LYST: variants seen among roughly 807,000 people sequenced by gnomAD.
LYST encodes the protein lysosomal-trafficking regulator.
LYST carries 192 observed loss-of-function variants against 413.6 expected under a neutral mutation model. The observed-to-expected ratio is 0.46, with a 90% CI of 0.41 to 0.52. LYST has a LOEUF of 0.52. Among genes scored for constraint, LYST ranks in the 20% least tolerant of loss-of-function variants. The pLI, the probability that LYST is intolerant of heterozygous loss-of-function variation, is 0.00. For missense variants in LYST, 3,815 were observed against 4,499.9 expected (o/e 0.85, Z 4.35); for synonymous variants, 1,525 against 1,567.3 (o/e 0.97, Z 0.64).
chr1:235,845,257 C>A (rs1471594947), intron 1 of LYST, among the ~76,000 whole-genome samples: 1 of 152,176 alleles, frequency 6.6e-6, no homozygotes. Flanking sequence ...AAGTTTCTGA[C>A]CTTACCTGAG....
intron 12 of LYST, among the ~76,000 whole-genome samples, chr1:235,790,194 CTG>C (rs1490663330): frequency 6.6e-5 from 10 of 152,136 alleles, no homozygotes; most frequent in Non-Finnish European, 1.0e-4. Context: ...TTATAAGAGA[CTG>C]TTTACATTGA....
At chr1:235,741,328 G>T in intron 31 of LYST, 94 bp downstream of exon 31, 2 of 1,057,948 alleles carry the variant, frequency 1.9e-6, no homozygotes, top group Non-Finnish European at 2.9e-6. Flanking sequence ...TATAAATTAG[G>T]CATGAACATT....
chr1:235,713,928 A>C (rs1662617345), intron 42 of LYST, among the ~76,000 whole-genome samples: 1 of 152,224 alleles, frequency 6.6e-6, no homozygotes, highest in South Asian at 2.1e-4. Context: ...AACATGAATA[A>C]AAATATTGAT....
intron 52 of LYST, 92 bp downstream of exon 52, chr1:235,663,892 C>T: frequency 8.9e-7 from 1 of 1,119,338 alleles, no homozygotes; most frequent in South Asian, 1.2e-5. Context: ...TTCAATTGCA[C>T]ATTTCTTTAA....
chr1:235,812,957 G>A lies in LYST; in HGVS notation c.283+14C>T. On this transcript the variant is annotated intron_variant, in intron 4 of 52. Coordinates refer to ENST00000389793, the MANE Select transcript of LYST (RefSeq NM_000081.4). The stretch of plus-strand genomic sequence containing the variant: ...TTGATAACACAAGTGATATGATAAA[G>A]GGAAAAAGCATACCTGTTGCCTTTT... 1 of 1,545,484 alleles carries A rather than the reference G, an allele frequency of 6.5e-7. No homozygotes were observed. The highest frequency in any genetic ancestry group is 8.9e-7 in the Non-Finnish European group (1 of 1,118,046).
In LYST at chr1:235,661,047, T is replaced by A. The variant is rs1023227343; in HGVS notation, c.*1893A>T. The A allele has an allele frequency of 3.3e-5, 5 of 152,630 alleles. No individual in the cohort carries two copies. Among genetic ancestry groups the A allele is most frequent in the Non-Finnish European group, 7.3e-5 (5 of 68,042 alleles). The allele number at this position is 152,630 out of a possible 1,614,324, so 9.5% of individuals were successfully genotyped here. On this transcript the variant is annotated 3_prime_UTR_variant, in exon 53 of 53. Transcript: ENST00000389793. ...AAGAAGAGGTGTTTACATCTATTTT[T>A]ATGAAATTTATTTCCAAATTGAAGA...
At chr1:235,754,226 TTTC>T (rs1465967603) in intron 25 of LYST, among the ~76,000 whole-genome samples, 3,020 of 105,564 alleles carry the variant, frequency 0.029, 49 homozygotes, top group Non-Finnish European at 0.057. Context: ...TTTCTTTTCT[TTTC>T]TTTTTTTTTT....
At chr1:235,811,591 T>C (rs1384885972) in intron 4 of LYST, among the ~76,000 whole-genome samples, 2 of 152,150 alleles carry the variant, frequency 1.3e-5, no homozygotes, top group African/African-American at 2.4e-5. Context: ...GAATGAATTC[T>C]CCCTTTAACT....
At chr1:235,869,351 A>G (rs371950575), upstream of LYST, among the ~76,000 whole-genome samples, 1 of 152,214 alleles carries the variant, frequency 6.6e-6, no homozygotes, top group African/African-American at 2.4e-5. Flanking sequence ...GGACGCCTGT[A>G]GTCTCAGCTA....
At chr1:235,841,968 G>T (rs1263074612) in intron 1 of LYST, among the ~76,000 whole-genome samples, 4 of 152,120 alleles carry the variant, frequency 2.6e-5, no homozygotes, top group Admixed American at 2.6e-4. Flanking sequence ...ATAATTTACT[G>T]GTTGGCTACT....
At chr1:235,822,928 T>C (rs545056433) in intron 3 of LYST, among the ~76,000 whole-genome samples, 16 of 152,312 alleles carry the variant, frequency 1.1e-4, no homozygotes, top group African/African-American at 3.6e-4. Flanking sequence ...CCCCACCCAA[T>C]AGCCCTCAGT....
chr1:235,872,621 G>C (rs563902979), intron 1 of LYST, among the ~76,000 whole-genome samples: 19 of 152,272 alleles, frequency 1.2e-4, no homozygotes, highest in African/African-American at 4.3e-4. Context: ...TTTATGGCCA[G>C]CTTCTATTCA....
chr1:235,879,480 C>G (rs1274706906), intron 1 of LYST, among the ~76,000 whole-genome samples: 1 of 152,160 alleles, frequency 6.6e-6, no homozygotes, highest in Non-Finnish European at 1.5e-5. Context: ...GGCTGTCTAA[C>G]CAGACACCTG....
intron 48 of LYST, among the ~76,000 whole-genome samples, chr1:235,684,261 G>A (rs957281323): frequency 6.6e-6 from 1 of 152,050 alleles, no homozygotes; most frequent in Admixed American, 6.5e-5. Flanking sequence ...ACTGCACACT[G>A]TGTTAGTGCA....
intron 40 of LYST, among the ~76,000 whole-genome samples, chr1:235,717,892 ATT>A (rs1008942971): frequency 1.4e-5 from 2 of 144,554 alleles, no homozygotes; most frequent in Non-Finnish European, 1.5e-5. Context: ...GGCTGCCTAC[ATT>A]TTTTTTTTTT....
intron 3 of LYST, among the ~76,000 whole-genome samples, chr1:235,823,323 T>C (rs1048738107): frequency 6.6e-6 from 1 of 152,214 alleles, no homozygotes; most frequent in African/African-American, 2.4e-5. Context: ...CATGCATAGA[T>C]AGAACTAGGT....
chr1:235,685,146 A>T (rs1018048169), intron 48 of LYST, among the ~76,000 whole-genome samples: 8 of 151,984 alleles, frequency 5.3e-5, no homozygotes, highest in African/African-American at 1.9e-4. Flanking sequence ...TCCTTTACTT[A>T]CAGTAGATTG....
chr1:235,734,059 A>G (rs925117649), intron 32 of LYST, among the ~76,000 whole-genome samples, 153 bp from the exon 33 acceptor site: 2 of 152,192 alleles, frequency 1.3e-5, no homozygotes, highest in African/African-American at 2.4e-5. Flanking sequence ...TGAACCATCT[A>G]AACAATGTTA....
chr1:235,839,341 C>G (rs1420681496), intron 1 of LYST: 1 of 151,408 alleles, frequency 6.6e-6, no homozygotes, highest in Non-Finnish European at 1.5e-5. Context: ...ACTGCAACCT[C>G]CACCTCCCAG....
Sources: gnomAD v4.1 joint callset for allele counts (sites outside exome capture counted in the v4.1 genomes callset) on GRCh38, gnomAD v4.1.1 for gene constraint, MANE v1.5 for transcripts, NCBI Gene and HGNC (gene_info 2026-07-23, HGNC 2026-07-21) for gene names.